The following ADGRL3 variants were observed in gnomAD, a reference collection of about 807,000 sequenced individuals.
The protein encoded by ADGRL3 is calcium-independent alpha-latrotoxin receptor 3.
Under a neutral mutation model 153.5 loss-of-function variants are expected in ADGRL3, and 62 were observed. That is an observed-to-expected ratio of 0.40 (90% CI 0.33 to 0.50). The LOEUF (loss-of-function observed/expected upper bound fraction) is 0.50. Ranked by LOEUF, ADGRL3 falls within the 20% of genes least tolerant of loss-of-function variation. The probability of loss-of-function intolerance (pLI) is 0.47; values close to 1 mark genes in which losing one functional copy is unlikely to be tolerated. For missense variants in ADGRL3, 1,641 were observed against 1,859.4 expected (o/e 0.88, Z 2.16); for synonymous variants, 710 against 672.5 (o/e 1.06, Z -0.86).
At chr4:61,839,941 C>T (rs2098002508) in intron 9 of ADGRL3, among the ~76,000 whole-genome samples, 1 of 148,172 alleles carries the variant, frequency 6.7e-6, no homozygotes, top group Non-Finnish European at 1.5e-5. Flanking sequence ...CAGAGCAAGA[C>T]CCCCATCTTA....
chr4:61,257,356 G>A (rs1483087860), intron 1 of ADGRL3, among the ~76,000 whole-genome samples: 1 of 152,126 alleles, frequency 6.6e-6, no homozygotes, highest in East Asian at 1.9e-4. Context: ...GTGGAGAGAA[G>A]AAAGAAGACA....
At chr4:61,600,349 T>G (rs1350771653) in intron 5 of ADGRL3, among the ~76,000 whole-genome samples, 1 of 132,032 alleles carries the variant, frequency 7.6e-6, no homozygotes, top group East Asian at 2.2e-4. Flanking sequence ...GGAAATGAGA[T>G]ATTCAACAAC....
At chr4:61,640,916 T>A (rs1015574911) in intron 5 of ADGRL3, among the ~76,000 whole-genome samples, 4 of 152,308 alleles carry the variant, frequency 2.6e-5, no homozygotes, top group African/African-American at 4.8e-5. Context: ...CTTCTAATAC[T>A]CAGTTTGTTG....
intron 9 of ADGRL3, among the ~76,000 whole-genome samples, chr4:61,831,321 G>T (rs1279864446): frequency 3.3e-5 from 5 of 149,504 alleles, no homozygotes; most frequent in Non-Finnish European, 4.4e-5. Flanking sequence ...TTCTCTGCCA[G>T]GCCTATAGGC....
At chr4:61,313,849 G>T (rs1255414219) in intron 1 of ADGRL3, among the ~76,000 whole-genome samples, 1 of 152,138 alleles carries the variant, frequency 6.6e-6, no homozygotes, top group Non-Finnish European at 1.5e-5. Flanking sequence ...GAGCACAGAC[G>T]GGAACGAGCC....
At chr4:61,571,180 T>G (rs1249758224) in intron 4 of ADGRL3, among the ~76,000 whole-genome samples, 2 of 151,906 alleles carry the variant, frequency 1.3e-5, no homozygotes, top group Non-Finnish European at 2.9e-5. Flanking sequence ...TCAGGTCTAC[T>G]AAGGGGCTCA....
At chr4:61,474,300 T>C (rs2098014009) in intron 2 of ADGRL3, among the ~76,000 whole-genome samples, 1 of 152,146 alleles carries the variant, frequency 6.6e-6, no homozygotes, top group Non-Finnish European at 1.5e-5. Context: ...GTGAAAATCC[T>C]AGGAACTTCT....
At chr4:61,649,491 C>G (rs1019742655) in intron 5 of ADGRL3, among the ~76,000 whole-genome samples, 2 of 152,006 alleles carry the variant, frequency 1.3e-5, no homozygotes, top group Non-Finnish European at 2.9e-5. Flanking sequence ...TATTTATTTT[C>G]TGGAGATTCT....
chr4:61,251,246 C>T (rs4860402), intron 1 of ADGRL3, among the ~76,000 whole-genome samples: 99,821 of 151,958 alleles, frequency 0.66, 32,915 homozygotes, highest in East Asian at 0.76. Flanking sequence ...TTCACTCACA[C>T]GCCTGGTTTC....
intron 2 of ADGRL3, among the ~76,000 whole-genome samples, chr4:61,407,962 A>C (rs994809459): frequency 6.6e-6 from 1 of 152,136 alleles, no homozygotes; most frequent in Non-Finnish European, 1.5e-5. Flanking sequence ...TGAGGAATGC[A>C]TCTGGAAAAA....
intron 19 of ADGRL3, among the ~76,000 whole-genome samples, chr4:61,986,740 G>A (rs2099086797): frequency 6.6e-6 from 1 of 152,156 alleles, no homozygotes; most frequent in Non-Finnish European, 1.5e-5. Flanking sequence ...ATATCACAGG[G>A]GGGCATAACA....
intron 17 of ADGRL3, among the ~76,000 whole-genome samples, chr4:61,970,415 TTTCA>T (rs1273145826): frequency 5.3e-5 from 8 of 152,206 alleles, no homozygotes; most frequent in Admixed American, 2.6e-4. Context: ...TGCTGTTTTC[TTTCA>T]TTCGTTATGG....
intron 6 of ADGRL3, among the ~76,000 whole-genome samples, chr4:61,726,385 G>T (rs1012134891): frequency 1.3e-5 from 2 of 151,776 alleles, no homozygotes; most frequent in Admixed American, 6.6e-5. Context: ...TTTTAGTAGA[G>T]ATAGGGTTTC....
chr4:61,758,267 G>C (rs187885059), intron 8 of ADGRL3, among the ~76,000 whole-genome samples: 1 of 152,070 alleles, frequency 6.6e-6, no homozygotes, highest in Admixed American at 6.6e-5. Context: ...CTGTCTAATG[G>C]TGACAGTGGG....
intron 17 of ADGRL3, among the ~76,000 whole-genome samples, chr4:61,952,615 GCA>G (rs1268169136): frequency 6.6e-6 from 1 of 152,088 alleles, no homozygotes; most frequent in Non-Finnish European, 1.5e-5. Flanking sequence ...ACCTGTGTCA[GCA>G]CAGTTTAAAT....
At chr4:61,487,837 A>G (rs1037655722) in intron 2 of ADGRL3, among the ~76,000 whole-genome samples, 5 of 152,018 alleles carry the variant, frequency 3.3e-5, no homozygotes, top group African/African-American at 1.2e-4. Flanking sequence ...CATGAGGTTC[A>G]TTTTTTAGTT....
intron 8 of ADGRL3, among the ~76,000 whole-genome samples, chr4:61,804,443 C>T (rs1271239928): frequency 4.6e-5 from 7 of 152,094 alleles, no homozygotes; most frequent in Non-Finnish European, 8.8e-5. Context: ...TTTATAAGAA[C>T]GTTAATTGGA....
At chr4:62,057,232 C>A (rs1382957924) in intron 25 of ADGRL3, among the ~76,000 whole-genome samples, 1 of 152,092 alleles carries the variant, frequency 6.6e-6, no homozygotes, top group Non-Finnish European at 1.5e-5. Flanking sequence ...CCTTAGATTT[C>A]CAGTCCTCAG....
intron 8 of ADGRL3, among the ~76,000 whole-genome samples, chr4:61,733,874 C>T (rs897231696): frequency 2.0e-5 from 3 of 152,078 alleles, no homozygotes; most frequent in Non-Finnish European, 4.4e-5. Flanking sequence ...TAGAACAGCC[C>T]GTCTAAACAG....
Sources: allele counts gnomAD v4.1 joint callset (sites outside exome capture counted in the v4.1 genomes callset), GRCh38; gene constraint gnomAD v4.1.1; transcripts MANE v1.5; gene names NCBI Gene and HGNC (gene_info 2026-07-23, HGNC 2026-07-21).